Variants in SMARCA2 observed in about 807,000 individuals in gnomAD.
SMARCA2 encodes SWI/SNF related BAF chromatin remodeling complex subunit ATPase 2.
A neutral mutation model predicts 199.8 loss-of-function variants in SMARCA2; 61 were observed. The ratio of observed to expected loss-of-function variants is 0.31; its 90% CI spans 0.25 to 0.38. SMARCA2 has a LOEUF of 0.38. Ranked by LOEUF, SMARCA2 falls within the 10% of genes least tolerant of loss-of-function variation. The probability of loss-of-function intolerance (pLI) is 1.00; values close to 1 mark genes in which losing one functional copy is unlikely to be tolerated. For missense variants in SMARCA2, 1,344 were observed against 2,012.2 expected (o/e 0.67, Z 6.35); for synonymous variants, 935 against 732.0 (o/e 1.28, Z -4.48).
intron 27 of SMARCA2, among the ~76,000 whole-genome samples, chr9:2,129,938 T>A (rs973450073): frequency 6.6e-6 from 1 of 152,114 alleles, no homozygotes; most frequent in East Asian, 1.9e-4. Context: ...ACAGCAGCCT[T>A]GACCTCCCAG....
At position 2,187,326 on chromosome 9, in the gene SMARCA2, C is replaced by T. The variant is rs573715911; in HGVS notation, c.4594+1098C>T. Among the ~76,000 whole-genome samples the T allele has an allele frequency of 4.6e-5, 7 of 152,206 alleles. No individual in the cohort carries two copies. In the South Asian group the frequency reaches 1.2e-3, roughly 27 times the overall value. The stretch of plus-strand genomic sequence containing the variant: ...TCCATTGTTTGACCCTAGTTCCAGC[C>T]GTGACTGATAACCCAAATATTCCAA... On this transcript the variant is annotated intron_variant, in intron 32 of 33. Coordinates refer to ENST00000349721, the MANE Select transcript of SMARCA2 (RefSeq NM_003070.5).
At position 2,086,019 on chromosome 9, in the gene SMARCA2, A is replaced by C. The variant is rs951129152; in HGVS notation, c.2527-810A>C. 1 of 152,282 alleles carries C rather than the reference A, an allele frequency of 6.6e-6. No individual in the cohort carries two copies. The highest frequency in any genetic ancestry group is 2.4e-5 in the African/African-American group (1 of 41,464). The allele number at this position is 152,282 out of a possible 1,614,324, so 9.4% of individuals were successfully genotyped here. On this transcript the variant is annotated intron_variant, in intron 17 of 33. Transcript: ENST00000349721. The surrounding 1 kb of genome is among the most constrained non-coding windows in gnomAD (Gnocchi z 4.3). ...TATAAGCATTCTGGACGTTTTACGCAATCGTCATGTTGGGGAAGTATGCTG... is the reference window on the plus strand; with the variant it reads ...TATAAGCATTCTGGACGTTTTACGCCATCGTCATGTTGGGGAAGTATGCTG...
chr9:2,190,693 AT>A lies in SMARCA2; in HGVS notation c.4595-565del, dbSNP rs1012231437. On this transcript the variant is annotated intron_variant, in intron 32 of 33. Transcript: ENST00000349721. ...TGTACTTGCAGGTATGGACATAAAC[AT>A]TTTTTTTCCTGGAAATAATTAGTTA... Among the ~76,000 whole-genome samples the A allele has an allele frequency of 2.0e-5, 3 of 152,028 alleles. No homozygotes were observed. The East Asian group carries it at 5.8e-4, about 29-fold the overall frequency.
At chr9:2,148,148 T>C (rs1472513883) in intron 27 of SMARCA2, among the ~76,000 whole-genome samples, 1 of 151,792 alleles carries the variant, frequency 6.6e-6, no homozygotes, top group East Asian at 1.9e-4. Flanking sequence ...GTATTGTTCA[T>C]GCTCTTTATA....
chr9:2,062,383 AT>A (rs1466741864), intron 9 of SMARCA2, among the ~76,000 whole-genome samples: 2 of 152,162 alleles, frequency 1.3e-5, no homozygotes, highest in African/African-American at 4.8e-5. Context: ...TAGTATTAAA[AT>A]TTTTGTATTT....
intron 2 of SMARCA2, chr9:2,032,731 A>T (rs1215006342): frequency 1.8e-5 from 7 of 391,730 alleles, no homozygotes; most frequent in Middle Eastern, 1.3e-3. Flanking sequence ...CAAACAAACA[A>T]ACAAACAAAC....
chr9:2,023,333 C>A (rs923566562), intron 1 of SMARCA2, among the ~76,000 whole-genome samples: 2 of 152,284 alleles, frequency 1.3e-5, no homozygotes, highest in African/African-American at 4.8e-5. Context: ...TCACCCACAT[C>A]CTAATTTGTT....
chr9:2,142,326 G>A (rs911221708), intron 27 of SMARCA2, among the ~76,000 whole-genome samples: 5 of 152,220 alleles, frequency 3.3e-5, no homozygotes, highest in African/African-American at 1.2e-4. Context: ...AAAGGGTAGA[G>A]GAAAGCAGAA....
intron 27 of SMARCA2, among the ~76,000 whole-genome samples, chr9:2,141,848 T>C (rs1824475035): frequency 6.6e-6 from 1 of 152,176 alleles, no homozygotes; most frequent in Non-Finnish European, 1.5e-5. Context: ...ACTGAGCTGA[T>C]CTCCTGGCTT....
intron 1 of SMARCA2, among the ~76,000 whole-genome samples, chr9:2,019,971 T>C (rs1288278363): frequency 2.0e-5 from 3 of 152,166 alleles, no homozygotes; most frequent in Non-Finnish European, 2.9e-5. Flanking sequence ...TTATCACATA[T>C]GTAATACTAA....
At chr9:2,130,475 G>A (rs1226164498) in intron 27 of SMARCA2, among the ~76,000 whole-genome samples, 8 of 152,154 alleles carry the variant, frequency 5.3e-5, no homozygotes. Flanking sequence ...TGTCATTTTT[G>A]TCTCTGCATA....
At chr9:2,158,078 C>T (rs977863274) in intron 27 of SMARCA2, among the ~76,000 whole-genome samples, 5 of 148,246 alleles carry the variant, frequency 3.4e-5, no homozygotes, top group Middle Eastern at 3.5e-3. Flanking sequence ...AGCTAGTTTG[C>T]ATCTCGTTCT....
At chr9:2,050,743 T>G (rs569459739) in intron 5 of SMARCA2, among the ~76,000 whole-genome samples, 2 of 152,278 alleles carry the variant, frequency 1.3e-5, no homozygotes, top group African/African-American at 4.8e-5. Flanking sequence ...GCTCTCTTTT[T>G]AAAGTGTCAC....
intron 27 of SMARCA2, among the ~76,000 whole-genome samples, chr9:2,151,056 TA>T (rs1386515264): frequency 6.6e-6 from 1 of 151,532 alleles, no homozygotes; most frequent in Non-Finnish European, 1.5e-5. Flanking sequence ...CACTATAGTA[TA>T]GCAATTCCGA....
At chr9:2,083,918 A>G (rs192495000) in intron 16 of SMARCA2, among the ~76,000 whole-genome samples, 168 bp from the exon 17 acceptor site, 481 of 152,286 alleles carry the variant, frequency 3.2e-3, no homozygotes, top group Non-Finnish European at 5.9e-3. Flanking sequence ...AAGGGTCAAG[A>G]CGTGTAATTT....
chr9:2,147,179 T>A (rs1194728783), intron 27 of SMARCA2, among the ~76,000 whole-genome samples: 1 of 150,784 alleles, frequency 6.6e-6, no homozygotes, highest in Admixed American at 6.6e-5. Flanking sequence ...TCATAACTAT[T>A]TAGAAAAAGT....
rs1249632394 is a variant in SMARCA2 at position 2,115,383 on chromosome 9, T to C, written c.3457-439T>C. Among the ~76,000 whole-genome samples the C allele has an allele frequency of 6.6e-6, 1 of 152,152 alleles. No homozygotes were observed. Among genetic ancestry groups the C allele is most frequent in the Non-Finnish European group, 1.5e-5 (1 of 68,030 alleles). On this transcript the variant is annotated intron_variant, in intron 24 of 33. Coordinates refer to ENST00000349721, the MANE Select transcript of SMARCA2 (RefSeq NM_003070.5). This position sits in a 1 kb window ranked among gnomAD's most constrained non-coding sequence, Gnocchi z 6.0. ...GATGTATGTATGTATAATACCTGAA[T>C]GTACAACTCAGTGATATTTTTAAAA... is the stretch of plus-strand genomic sequence containing the variant.
intron 11 of SMARCA2, 83 bp from the exon 12 acceptor site, chr9:2,073,483 T>G: frequency 6.9e-7 from 1 of 1,447,192 alleles, no homozygotes; most frequent in Non-Finnish European, 9.6e-7. Flanking sequence ...ATACATAGAA[T>G]GTGCTATTAA....
chr9:2,114,392 C>T (rs536724468), intron 24 of SMARCA2, among the ~76,000 whole-genome samples: 1 of 152,192 alleles, frequency 6.6e-6, no homozygotes, highest in Non-Finnish European at 1.5e-5. Flanking sequence ...TCCAGGGCAG[C>T]CTTTTGTCTG....
Sources: allele counts gnomAD v4.1 joint callset (sites outside exome capture counted in the v4.1 genomes callset), GRCh38; gene constraint gnomAD v4.1.1; non-coding constraint Gnocchi (gnomAD v3.1); transcripts MANE v1.5; gene names NCBI Gene and HGNC (gene_info 2026-07-23, HGNC 2026-07-21).